ZNF385D: variants seen among roughly 807,000 people sequenced by gnomAD.
ZNF385D encodes zinc finger protein 659.
A neutral mutation model predicts 35.8 loss-of-function variants in ZNF385D; 15 were observed. The observed-to-expected ratio is 0.42, with a 90% CI of 0.28 to 0.64. The LOEUF is 0.64. ZNF385D is among the 30% of genes least tolerant of loss of function. The pLI is 0.23. For missense variants in ZNF385D, 474 were observed against 494.6 expected, an observed-to-expected ratio of 0.96 and a Z score of 0.39; for synonymous variants, 212 against 186.8, an observed-to-expected ratio of 1.13 and a Z score of -1.10.
chr3:22,009,178 G>A (rs1696406978), intron 3 of ZNF385D, among the ~76,000 whole-genome samples: 1 of 151,958 alleles, frequency 6.6e-6, no homozygotes, highest in East Asian at 1.9e-4. Context: ...CTATTTTTAG[G>A]TATACAGCCT....
In ZNF385D at chr3:22,283,377, T is replaced by C. The variant is rs185566306; in HGVS notation, c.106+89073A>G. Reference sequence around the variant, plus strand: ...CATTCTACCCAACAACTGCAGAATATACATTCTATTCAATTGCTTTTTGAT... The same window carrying C: ...CATTCTACCCAACAACTGCAGAATACACATTCTATTCAATTGCTTTTTGAT... On this transcript the variant is annotated intron_variant, in intron 2 of 5. Coordinates refer to the ZNF385D transcript ENST00000494108. 2.2e-3 allele frequency among the ~76,000 whole-genome samples: 328 copies of C among 152,254 alleles called. 3 individuals carry two copies. The highest frequency in any genetic ancestry group is 3.3e-3 in the Admixed American group (50 of 15,274).
At chr3:21,708,943 A>G (rs1414777444) in intron 1 of ZNF385D, among the ~76,000 whole-genome samples, 1 of 152,150 alleles carries the variant, frequency 6.6e-6, no homozygotes, top group Admixed American at 6.5e-5. Context: ...AACTATCATA[A>G]GGCAGTTTCT....
chr3:22,276,490 T>C (rs938807631), intron 2 of ZNF385D, among the ~76,000 whole-genome samples: 13 of 152,150 alleles, frequency 8.5e-5, no homozygotes, highest in African/African-American at 3.1e-4. Flanking sequence ...TCTTTAGCCA[T>C]AGAAGCTCAA....
rs181258076 is a variant in ZNF385D, at chr3:22,059,170, T to C, written c.325+109647A>G. Among the ~76,000 whole-genome samples the C allele has an allele frequency of 3.4e-3, 517 of 152,236 alleles. 3 individuals are homozygous for C. The highest frequency in any genetic ancestry group is 0.012 in the African/African-American group (485 of 41,544). ...CTTTAAAAAGGACCCTGTGTAATCA[T>C]TGGAGGTGACTGCCCTCTGGTCAGG... On this transcript the variant is annotated intron_variant, in intron 3 of 5. Coordinates refer to the ZNF385D transcript ENST00000494108.
chr3:21,920,807 T>TTTCC (rs1700420645), intron 3 of ZNF385D, among the ~76,000 whole-genome samples: 1 of 152,180 alleles, frequency 6.6e-6, no homozygotes, highest in African/African-American at 2.4e-5. Context: ...TTCCCTGTTA[T>TTTCC]GACAACAATC....
chr3:21,790,168 G>T (rs921298076), intron 3 of ZNF385D, among the ~76,000 whole-genome samples: 1 of 152,034 alleles, frequency 6.6e-6, no homozygotes, highest in South Asian at 2.1e-4. Flanking sequence ...GGCCTCTGAG[G>T]AAGAAGTCTC....
chr3:22,094,851 G>A (rs555997774), intron 3 of ZNF385D, among the ~76,000 whole-genome samples: 8 of 152,090 alleles, frequency 5.3e-5, no homozygotes, highest in African/African-American at 1.9e-4. Flanking sequence ...TTTTCTTGAA[G>A]GCACAGCCTC....
intron 3 of ZNF385D, among the ~76,000 whole-genome samples, chr3:22,132,013 T>C (rs1056416818): frequency 2.6e-5 from 4 of 152,148 alleles, no homozygotes; most frequent in African/African-American, 7.2e-5. Context: ...AGTAGGAGAA[T>C]TGCATTATAT....
chr3:21,774,413 T>C (rs1276566216), intron 3 of ZNF385D, among the ~76,000 whole-genome samples: 2 of 151,746 alleles, frequency 1.3e-5, no homozygotes, highest in Non-Finnish European at 2.9e-5. Context: ...ATCCTACACA[T>C]GTACCCCCAA....
intron 2 of ZNF385D, among the ~76,000 whole-genome samples, chr3:22,276,537 T>C (rs1701437847): frequency 1.3e-5 from 2 of 152,176 alleles, no homozygotes; most frequent in South Asian, 2.1e-4. Context: ...AGTTTTATAC[T>C]TGAAAATTGA....
At chr3:22,031,139 G>C (rs1697973694) in intron 3 of ZNF385D, among the ~76,000 whole-genome samples, 1 of 152,184 alleles carries the variant, frequency 6.6e-6, no homozygotes, top group Non-Finnish European at 1.5e-5. Flanking sequence ...TTAGGCTGGT[G>C]TTGAGTGCCT....
intron 2 of ZNF385D, among the ~76,000 whole-genome samples, chr3:22,290,817 C>T (rs1702263278): frequency 6.6e-6 from 1 of 152,052 alleles, no homozygotes; most frequent in Admixed American, 6.6e-5. Flanking sequence ...AGTCAGTAGC[C>T]TCGTATTCCA....
chr3:21,967,583 T>G (rs192718964), intron 3 of ZNF385D, among the ~76,000 whole-genome samples: 3 of 152,216 alleles, frequency 2.0e-5, no homozygotes, highest in East Asian at 3.9e-4. Flanking sequence ...TTTCTGCCCA[T>G]TGGCTTCTTC....
At chr3:22,276,974 G>A (rs940463888) in intron 2 of ZNF385D, among the ~76,000 whole-genome samples, 5 of 152,028 alleles carry the variant, frequency 3.3e-5, no homozygotes, top group African/African-American at 1.2e-4. Flanking sequence ...TATTTTACAT[G>A]GTTGGTAATG....
intron 3 of ZNF385D, among the ~76,000 whole-genome samples, chr3:21,946,498 C>G (rs1701792363): frequency 1.3e-5 from 2 of 152,002 alleles, no homozygotes; most frequent in South Asian, 4.2e-4. Context: ...GTAGAATGTT[C>G]TTATGAACTG....
At chr3:22,165,668 G>T (rs772029361) in intron 3 of ZNF385D, among the ~76,000 whole-genome samples, 1 of 152,134 alleles carries the variant, frequency 6.6e-6, no homozygotes, top group Admixed American at 6.6e-5. Flanking sequence ...TTAAGAAGTT[G>T]ATTAAATCTT....
intron 3 of ZNF385D, among the ~76,000 whole-genome samples, chr3:22,032,059 T>G (rs144751429): frequency 9.7e-4 from 147 of 152,298 alleles, no homozygotes; most frequent in African/African-American, 3.2e-3. Flanking sequence ...TTGCTCCAGT[T>G]CCCAATAAGT....
intron 2 of ZNF385D, among the ~76,000 whole-genome samples, chr3:22,335,460 T>C (rs1695121449): frequency 6.6e-6 from 1 of 152,184 alleles, no homozygotes; most frequent in African/African-American, 2.4e-5. Flanking sequence ...TTATGTCTGA[T>C]TCCTGACATC....
intron 4 of ZNF385D, among the ~76,000 whole-genome samples, chr3:21,445,840 A>G (rs898648112): frequency 2.0e-5 from 3 of 152,108 alleles, no homozygotes; most frequent in Non-Finnish European, 2.9e-5. Flanking sequence ...CATATCATTG[A>G]CCTCCTAAGT....
Sources: allele counts gnomAD v4.1 joint callset (sites outside exome capture counted in the v4.1 genomes callset), GRCh38; gene constraint gnomAD v4.1.1; transcripts MANE v1.5; gene names NCBI Gene and HGNC (gene_info 2026-07-23, HGNC 2026-07-21).